Variants in TMOD3 observed in about 807,000 individuals in gnomAD.
TMOD3 encodes tropomodulin-3.
A neutral mutation model predicts 39.2 loss-of-function variants in TMOD3; 20 were observed. The observed-to-expected ratio is 0.51, with a 90% CI of 0.36 to 0.74. The LOEUF is 0.74. Among genes scored for constraint, TMOD3 ranks in the 30% least tolerant of loss-of-function variants. The pLI is 0.00. For synonymous variants in TMOD3, 143 were observed against 145.8 expected, an observed-to-expected ratio of 0.98 and a Z score of 0.14; for missense variants, 381 against 412.8, an observed-to-expected ratio of 0.92 and a Z score of 0.67.
intron 6 of TMOD3, 24 bp from the exon 7 acceptor site, chr15:51,896,395 T>C: frequency 4.1e-6 from 6 of 1,468,732 alleles, no homozygotes; most frequent in Non-Finnish European, 5.7e-6. Flanking sequence ...AATGTAATGA[T>C]GTTTTATGTT....
chr15:51,897,544 G>A (rs1283227875), intron 7 of TMOD3, among the ~76,000 whole-genome samples: 2 of 147,132 alleles, frequency 1.4e-5, no homozygotes, highest in Non-Finnish European at 3.0e-5. Flanking sequence ...GAGTGCAGTG[G>A]CGCAATCTCG....
intron 1 of TMOD3, among the ~76,000 whole-genome samples, chr15:51,840,918 T>G (rs955758306): frequency 6.6e-6 from 1 of 152,248 alleles, no homozygotes; most frequent in Non-Finnish European, 1.5e-5. Flanking sequence ...AATTTACTTC[T>G]GTTAATGTGT....
chr15:51,832,067 G>C (rs187930244), intron 1 of TMOD3, among the ~76,000 whole-genome samples: 88 of 151,690 alleles, frequency 5.8e-4, no homozygotes, highest in Non-Finnish European at 9.4e-4. Context: ...TGTAGTCCTA[G>C]CTACTCAGGA....
At chr15:51,834,513 C>A (rs1216000895) in intron 1 of TMOD3, among the ~76,000 whole-genome samples, 1 of 151,948 alleles carries the variant, frequency 6.6e-6, no homozygotes, top group Non-Finnish European at 1.5e-5. Flanking sequence ...TCTAGTTGTT[C>A]CAGCAACATA....
intron 3 of TMOD3, among the ~76,000 whole-genome samples, chr15:51,876,678 G>A (rs2056505581): frequency 1.3e-5 from 2 of 151,452 alleles, no homozygotes; most frequent in Admixed American, 6.6e-5. Flanking sequence ...AGCCAGGATG[G>A]TCTCAATCTC....
At position 51,880,899 on chromosome 15, in the gene TMOD3, C is replaced by A. The variant is rs185094986; in HGVS notation, c.284-6690C>A. Reference sequence around the variant, plus strand: ...TTTAACAAATTGAGAAACTGCCAAACTTTTCCAAAGTGGCTGCGGTATTGT... The same window carrying A: ...TTTAACAAATTGAGAAACTGCCAAAATTTTCCAAAGTGGCTGCGGTATTGT... On this transcript the variant is annotated intron_variant, in intron 3 of 9. Coordinates refer to ENST00000308580, the MANE Select transcript of TMOD3 (RefSeq NM_014547.5). Among the ~76,000 whole-genome samples the A allele has an allele frequency of 4.3e-3, 648 of 152,256 alleles. 4 individuals are homozygous for A. Among genetic ancestry groups the A allele is most frequent in the Non-Finnish European group, 6.5e-3 (442 of 68,020 alleles).
chr15:51,877,717 A>T (rs1355196379), intron 3 of TMOD3, among the ~76,000 whole-genome samples: 2 of 151,048 alleles, frequency 1.3e-5, no homozygotes, highest in Non-Finnish European at 2.9e-5. Context: ...GTGGGACTAG[A>T]GCAGTGTTCA....
intron 2 of TMOD3, among the ~76,000 whole-genome samples, chr15:51,868,430 C>A (rs1173531198): frequency 1.3e-5 from 2 of 152,052 alleles, no homozygotes; most frequent in Non-Finnish European, 2.9e-5. Context: ...TTTCCTGATC[C>A]TCTACCTCCT....
chr15:51,856,279 C>G (rs1232238483), intron 1 of TMOD3, among the ~76,000 whole-genome samples: 1 of 152,048 alleles, frequency 6.6e-6, no homozygotes, highest in Non-Finnish European at 1.5e-5. Flanking sequence ...CAAAAACAAA[C>G]AAACAAAAAG....
chr15:51,884,809 AACC>A (rs1443651983), intron 3 of TMOD3, among the ~76,000 whole-genome samples: 2 of 152,252 alleles, frequency 1.3e-5, no homozygotes, highest in African/African-American at 4.8e-5. Flanking sequence ...AAAACAAAGG[AACC>A]TGGATCCTTG....
chr15:51,844,732 G>T (rs929374363), intron 1 of TMOD3, among the ~76,000 whole-genome samples: 2 of 152,144 alleles, frequency 1.3e-5, no homozygotes, highest in Non-Finnish European at 2.9e-5. Context: ...TTTATGATTT[G>T]TAGGGAATTC....
At chr15:51,898,289 A>G (rs2056631542) in intron 7 of TMOD3, among the ~76,000 whole-genome samples, 1 of 152,014 alleles carries the variant, frequency 6.6e-6, no homozygotes, top group Non-Finnish European at 1.5e-5. Context: ...AAAATAATCC[A>G]CTTAGCTTTG....
chr15:51,877,365 C>A (rs763777269), intron 3 of TMOD3, among the ~76,000 whole-genome samples: 4 of 152,012 alleles, frequency 2.6e-5, no homozygotes, highest in Admixed American at 6.5e-5. Context: ...CAGTTTGATT[C>A]TTTGGAGTCT....
At chr15:51,830,863 C>T (rs1358528055) in intron 1 of TMOD3, among the ~76,000 whole-genome samples, 2 of 152,170 alleles carry the variant, frequency 1.3e-5, no homozygotes, top group East Asian at 3.8e-4. Flanking sequence ...TTCCTAGGCA[C>T]CTTTTCACCT....
In TMOD3 at chr15:51,908,968, G is replaced by A; in HGVS notation, c.*158G>A. 1 of 452,194 alleles carries A rather than the reference G, an allele frequency of 2.2e-6. No individual in the cohort carries two copies. The highest frequency in any genetic ancestry group is 4.2e-5 in the Admixed American group (1 of 23,636). 28.0% of individuals were successfully genotyped at this position (452,194 alleles called of 1,614,324 possible). A position where few individuals can be genotyped will look rare whatever the true frequency, so the allele number is the denominator to read the frequency against. On this transcript the variant is annotated 3_prime_UTR_variant, in exon 10 of 10. Coordinates refer to ENST00000308580, the MANE Select transcript of TMOD3 (RefSeq NM_014547.5). ...TAGTTGTTATCAAATTGTAAAATCA[G>A]TAATGTGATATTTTATATTCTGAAA...
chr15:51,905,041 A>G (rs1490306867), intron 9 of TMOD3, among the ~76,000 whole-genome samples: 1 of 152,230 alleles, frequency 6.6e-6, no homozygotes, highest in East Asian at 1.9e-4. Context: ...ACATTCCTGG[A>G]TAGGGCAATT....
chr15:51,843,659 G>C (rs991974750), intron 1 of TMOD3, among the ~76,000 whole-genome samples: 1 of 152,084 alleles, frequency 6.6e-6, no homozygotes, highest in Admixed American at 6.5e-5. Flanking sequence ...CTGGGAAGGG[G>C]CAGGGCTCAG....
At chr15:51,865,524 A>C (rs570805347) in intron 2 of TMOD3, among the ~76,000 whole-genome samples, 1 of 152,214 alleles carries the variant, frequency 6.6e-6, no homozygotes, top group East Asian at 1.9e-4. Context: ...TTTATTTGTA[A>C]ATCCATGGCC....
At chr15:51,859,326 C>T (rs771388842) in intron 1 of TMOD3, 14 of 723,120 alleles carry the variant, frequency 1.9e-5, no homozygotes, top group Non-Finnish European at 3.7e-5. Flanking sequence ...TTCCTTGATA[C>T]AATCCACCCA....
Sources: gnomAD v4.1 joint callset for allele counts (sites outside exome capture counted in the v4.1 genomes callset) on GRCh38, gnomAD v4.1.1 for gene constraint, MANE v1.5 for transcripts, NCBI Gene and HGNC (gene_info 2026-07-23, HGNC 2026-07-21) for gene names.